The following DAAM2 variants were observed in gnomAD, a reference collection of about 807,000 sequenced individuals.
The protein encoded by DAAM2 is disheveled-associated activator of morphogenesis 2.
In DAAM2, 39 loss-of-function variants were observed where a neutral mutation model predicts 120.7. The observed-to-expected ratio is 0.32, with a 90% CI of 0.25 to 0.42. The LOEUF (loss-of-function observed/expected upper bound fraction) is 0.42, where lower values mean the gene tolerates loss of function less well. DAAM2 is among the 10% of genes least tolerant of loss of function. The probability of loss-of-function intolerance (pLI) is 1.00; values close to 1 mark genes in which losing one functional copy is unlikely to be tolerated. For missense variants in DAAM2, 1,283 were observed against 1,401.7 expected, an observed-to-expected ratio of 0.92 and a Z score of 1.35; for synonymous variants, 488 against 524.9, an observed-to-expected ratio of 0.93 and a Z score of 0.96.
intron 7 of DAAM2, among the ~76,000 whole-genome samples, chr6:39,869,848 G>C (rs1365165356): frequency 1.4e-5 from 2 of 146,292 alleles, no homozygotes; most frequent in African/African-American, 5.1e-5. Context: ...CCCCTAAGAT[G>C]CTAACATCAC....
At position 39,856,289 on chromosome 6, in the gene DAAM2, G is replaced by A. The variant is rs1342224741; in HGVS notation, c.-14G>A. On this transcript the variant is annotated 5_prime_UTR_variant, in exon 2 of 25. Transcript: ENST00000274867. ...GGGCATCTGTCTGCTGACGCCCCCT[G>A]GCCTGCAGTGACCATGGCCCCCCGC... 1.3e-6 allele frequency: 2 copies of A among 1,507,912 alleles called. No homozygotes were observed. Among genetic ancestry groups the A allele is most frequent in the Non-Finnish European group, 1.8e-6 (2 of 1,127,222 alleles). 93.4% of individuals were successfully genotyped at this position (1,507,912 alleles called of 1,614,324 possible).
chr6:39,827,228 G>A, intron 1 of DAAM2, among the ~76,000 whole-genome samples: 1 of 151,234 alleles, frequency 6.6e-6, no homozygotes, highest in East Asian at 1.9e-4. Flanking sequence ...GTTTGCTGTG[G>A]GTCCTGAGGC....
chr6:39,899,234 C>T (rs1582776416), intron 22 of DAAM2, among the ~76,000 whole-genome samples: 1 of 152,184 alleles, frequency 6.6e-6, no homozygotes, highest in African/African-American at 2.4e-5. Flanking sequence ...GAAAAAGAAT[C>T]CTCATCCCTT....
chr6:39,818,195 A>AAAC (rs1037478263), intron 1 of DAAM2, among the ~76,000 whole-genome samples: 3 of 146,624 alleles, frequency 2.0e-5, no homozygotes, highest in African/African-American at 8.0e-5. Flanking sequence ...AAAAAAAAAA[A>AAAC]AAAAAAAAAA....
rs368204642 is a variant in DAAM2 at position 39,903,503 on chromosome 6, T to G, written c.*1466T>G. 2.0e-5 allele frequency: 3 copies of G among 152,408 alleles called. No homozygotes were observed. Among genetic ancestry groups the G allele is most frequent in the African/African-American group, 7.2e-5 (3 of 41,584 alleles). The allele number at this position is 152,408 out of a possible 1,614,324, so 9.4% of individuals were successfully genotyped here. On this transcript the variant is annotated 3_prime_UTR_variant, in exon 25 of 25. Transcript: ENST00000274867. Reference sequence around the variant, plus strand: ...TAGACAAAATTTTTCTAAAACTCCATCAAGGCTCTTATTCAATACCACGTT... The same window carrying G: ...TAGACAAAATTTTTCTAAAACTCCAGCAAGGCTCTTATTCAATACCACGTT...
chr6:39,892,111 G>A (rs992753250), intron 19 of DAAM2, among the ~76,000 whole-genome samples: 1 of 152,140 alleles, frequency 6.6e-6, no homozygotes, highest in African/African-American at 2.4e-5. Flanking sequence ...AAGACTTCTG[G>A]GCACGTTAGT....
intron 1 of DAAM2, among the ~76,000 whole-genome samples, chr6:39,842,803 G>A (rs1763401517): frequency 6.6e-6 from 1 of 151,880 alleles, no homozygotes; most frequent in African/African-American, 2.4e-5. Flanking sequence ...GGGGAAGGTG[G>A]CATCTGCAGT....
At chr6:39,794,180 G>T (rs1440597946) in intron 1 of DAAM2, among the ~76,000 whole-genome samples, 1 of 152,120 alleles carries the variant, frequency 6.6e-6, no homozygotes, top group East Asian at 1.9e-4. Flanking sequence ...GTAAACAAGG[G>T]TGCATGTAAA....
chr6:39,794,540 G>A (rs981198947), intron 1 of DAAM2, among the ~76,000 whole-genome samples: 1 of 152,182 alleles, frequency 6.6e-6, no homozygotes, highest in Non-Finnish European at 1.5e-5. Context: ...TCAAGAAGGC[G>A]GAGGCTGTGC....
rs927412361 is a variant in DAAM2, at chr6:39,903,471, C to G, written c.*1434C>G. The G allele has an allele frequency of 1.1e-4, 17 of 152,250 alleles. No individual in the cohort carries two copies. Among genetic ancestry groups the G allele is most frequent in the African/African-American group, 3.9e-4 (16 of 41,454 alleles). 9.4% of individuals were successfully genotyped at this position (152,250 alleles called of 1,614,324 possible). A position where few individuals can be genotyped will look rare whatever the true frequency, so the allele number is the denominator to read the frequency against. On this transcript the variant is annotated 3_prime_UTR_variant, in exon 25 of 25. Coordinates refer to ENST00000274867, the MANE Select transcript of DAAM2 (RefSeq NM_001201427.2). Reference sequence around the variant, plus strand: ...ATGCTGGCCTTGGTGGATGGGATGGCTGTATCTAGACAAAATTTTTCTAAA... The same window carrying G: ...ATGCTGGCCTTGGTGGATGGGATGGGTGTATCTAGACAAAATTTTTCTAAA...
chr6:39,799,535 T>C (rs7738241), intron 1 of DAAM2, among the ~76,000 whole-genome samples: 22,088 of 152,112 alleles, frequency 0.15, 3,724 homozygotes, highest in East Asian at 0.55. Flanking sequence ...TCTATTCTGA[T>C]GGTGAAGGGG....
At position 39,856,434 on chromosome 6, in the gene DAAM2, C is replaced by T. The variant is rs535365178; in HGVS notation, c.132C>T (p.Asn44=). The change falls in exon 2 of 25, where the codon AAC becomes AAT. Residue 44 remains asparagine (N), a synonymous_variant. Transcript: ENST00000274867. The part of the protein sequence containing the change: ...QFMEFSSPIP[N]AEELNIRFAE... ...TGGAGTTCTCCAGCCCCATCCCGAA[C>T]GCAGAGGAGCTCAACATCCGCTTTG... 2.0e-4 allele frequency: 295 copies of T among 1,492,272 alleles called. 2 individuals carry two copies. The South Asian group carries it at 2.8e-3, about 14-fold the overall frequency. 92.4% of individuals were successfully genotyped at this position (1,492,272 alleles called of 1,614,324 possible). A position where few individuals can be genotyped will look rare whatever the true frequency, so the allele number is the denominator to read the frequency against.
In DAAM2 at chr6:39,868,862, C is replaced by T. The variant is rs747598915; in HGVS notation, c.802C>T (p.Arg268Trp). 8.8e-6 allele frequency: 14 copies of T among 1,588,438 alleles called. No individual in the cohort carries two copies. The highest frequency in any genetic ancestry group is 2.3e-5 in the East Asian group (1 of 43,660). Reference sequence around the variant, plus strand: ...GCTAGACCGAAGTCTGGGCCGGTACCGGGATGAAGTGAATCTGAAAACAGC... The same window carrying T: ...GCTAGACCGAAGTCTGGGCCGGTACTGGGATGAAGTGAATCTGAAAACAGC... ...NELDRSLGRY[R>W]DEVNLKTAIM... The change falls in exon 7 of 25, where the codon CGG becomes TGG. Residue 268 changes from arginine to tryptophan, a missense_variant. By Grantham distance (101) the Arg-to-Trp change is moderately radical (BLOSUM62 -3). Coordinates refer to ENST00000274867, the MANE Select transcript of DAAM2 (RefSeq NM_001201427.2).
chr6:39,828,224 AAAC>A (rs757763455), intron 1 of DAAM2, among the ~76,000 whole-genome samples: 4 of 152,226 alleles, frequency 2.6e-5, no homozygotes, highest in Non-Finnish European at 4.4e-5. Context: ...TTATAAACCA[AAAC>A]AACATTTCTC....
At chr6:39,861,508 C>T (rs1764211351) in intron 3 of DAAM2, 2 of 263,792 alleles carry the variant, frequency 7.6e-6, no homozygotes, top group East Asian at 8.5e-5. Flanking sequence ...TGCTGTTAGC[C>T]TCCTGCTATG....
chr6:39,862,288 C>T (rs538194359), intron 3 of DAAM2: 2 of 152,132 alleles, frequency 1.3e-5, no homozygotes, highest in African/African-American at 4.8e-5. Flanking sequence ...ATACTCAATG[C>T]ATGCTTATTA....
intron 1 of DAAM2, among the ~76,000 whole-genome samples, chr6:39,849,207 A>G (rs910838948): frequency 6.6e-6 from 1 of 152,212 alleles, no homozygotes; most frequent in Non-Finnish European, 1.5e-5. Context: ...TCTCTGTTGC[A>G]TGGTAGTAGC....
At chr6:39,803,395 C>A (rs114570626) in intron 1 of DAAM2, among the ~76,000 whole-genome samples, 51 of 152,306 alleles carry the variant, frequency 3.3e-4, no homozygotes, top group Admixed American at 1.2e-3. Flanking sequence ...CTCTTTCTAG[C>A]TGAGAGTTCA....
chr6:39,842,217 G>T (rs1755262858), intron 1 of DAAM2, among the ~76,000 whole-genome samples: 1 of 152,208 alleles, frequency 6.6e-6, no homozygotes, highest in South Asian at 2.1e-4. Context: ...GCTGCTGTTA[G>T]ATGTCGTTCC....
Sources: gnomAD v4.1 joint callset for allele counts (sites outside exome capture counted in the v4.1 genomes callset) on GRCh38, gnomAD v4.1.1 for gene constraint, MANE v1.5 for transcripts, NCBI Gene and HGNC (gene_info 2026-07-23, HGNC 2026-07-21) for gene names.